Variants in RYR2 observed in about 807,000 individuals in gnomAD.
RYR2 encodes the protein ryanodine receptor 2.
In RYR2, 227 loss-of-function variants were observed where a neutral mutation model predicts 601.1. The ratio of observed to expected loss-of-function variants is 0.38; its 90% CI spans 0.34 to 0.42. RYR2 has a LOEUF of 0.42. Ranked by LOEUF, RYR2 falls within the 10% of genes least tolerant of loss-of-function variation. The pLI is 1.00. For synonymous variants in RYR2, 2,223 were observed against 2,175.1 expected (o/e 1.02, Z -0.61); for missense variants, 4,646 against 6,156.5 (o/e 0.75, Z 8.21).
At chr1:237,283,644 A>G (rs1001659095) in intron 2 of RYR2, among the ~76,000 whole-genome samples, 2 of 152,214 alleles carry the variant, frequency 1.3e-5, no homozygotes, top group Non-Finnish European at 2.9e-5. Flanking sequence ...TCTCCAAAGA[A>G]TACACAGCCA....
chr1:237,541,550 C>T lies in RYR2; in HGVS notation c.2907-6881C>T, dbSNP rs116333538. 2.6e-3 allele frequency among the ~76,000 whole-genome samples: 400 copies of T among 152,186 alleles called. 1 individual carries two copies. Among genetic ancestry groups the T allele is most frequent in the African/African-American group, 8.9e-3 (368 of 41,518 alleles). On this transcript the variant is annotated intron_variant, in intron 25 of 104. Transcript: ENST00000366574. ...TATCATATTATACTTTATTTGGTTT[C>T]GTACTTGATTCCTCATTGGAACATT...
intron 29 of RYR2, among the ~76,000 whole-genome samples, chr1:237,575,396 C>T (rs1388738835): frequency 6.6e-6 from 1 of 152,050 alleles, no homozygotes; most frequent in Non-Finnish European, 1.5e-5. Flanking sequence ...GGGACCAAGG[C>T]TTTTTATATT....
intron 3 of RYR2, among the ~76,000 whole-genome samples, chr1:237,339,798 G>A (rs1471348432): frequency 6.6e-6 from 1 of 152,028 alleles, no homozygotes; most frequent in Admixed American, 6.6e-5. Context: ...ATATCCAAAG[G>A]CAACATCATC....
At chr1:237,065,645 C>T (rs1264125943) in intron 1 of RYR2, among the ~76,000 whole-genome samples, 1 of 152,136 alleles carries the variant, frequency 6.6e-6, no homozygotes, top group Non-Finnish European at 1.5e-5. Flanking sequence ...CCCATGGGAG[C>T]CACTGTTTTG....
chr1:237,635,877 G>C (rs1461397742), intron 44 of RYR2, among the ~76,000 whole-genome samples: 1 of 152,078 alleles, frequency 6.6e-6, no homozygotes, highest in Admixed American at 6.6e-5. Context: ...CAGCCTCAGG[G>C]CCTCTGCACC....
intron 1 of RYR2, among the ~76,000 whole-genome samples, chr1:237,130,188 A>G (rs562636082): frequency 6.6e-6 from 1 of 151,762 alleles, no homozygotes; most frequent in Non-Finnish European, 1.5e-5. Flanking sequence ...ATGTCAAAAC[A>G]TCACGTTGTA....
intron 2 of RYR2, among the ~76,000 whole-genome samples, chr1:237,289,920 T>A (rs191632117): frequency 1.6e-3 from 249 of 152,308 alleles, no homozygotes; most frequent in African/African-American, 5.9e-3. Context: ...CAGTAGGTAA[T>A]ACAGAACTTA....
chr1:237,479,610 G>A (rs1173663197), intron 17 of RYR2, among the ~76,000 whole-genome samples: 1 of 152,034 alleles, frequency 6.6e-6, no homozygotes, highest in East Asian at 1.9e-4. Flanking sequence ...AAATTCTCAG[G>A]TGTTTATGTC....
intron 80 of RYR2, among the ~76,000 whole-genome samples, chr1:237,747,325 G>C (rs1334909905): frequency 6.6e-6 from 1 of 152,194 alleles, no homozygotes; most frequent in Non-Finnish European, 1.5e-5. Flanking sequence ...AGAATTTCTT[G>C]TGTGTTAAAT....
chr1:237,604,014 G>A (rs1480865969), intron 35 of RYR2, among the ~76,000 whole-genome samples: 6 of 152,048 alleles, frequency 3.9e-5, no homozygotes, highest in African/African-American at 4.8e-5. Flanking sequence ...ACATATCAAC[G>A]AGACAGAAAG....
intron 27 of RYR2, among the ~76,000 whole-genome samples, chr1:237,560,494 C>T (rs2148192767): frequency 6.6e-6 from 1 of 152,306 alleles, no homozygotes; most frequent in African/African-American, 2.4e-5. Flanking sequence ...ACTACAAGGG[C>T]TTATGGGTGG....
chr1:237,586,610 T>A (rs921657752), intron 29 of RYR2, among the ~76,000 whole-genome samples: 9 of 152,244 alleles, frequency 5.9e-5, no homozygotes, highest in African/African-American at 2.2e-4. Context: ...TCTTCTTAGA[T>A]GTTAACTCTT....
chr1:237,555,754 T>C (rs1670818538), intron 27 of RYR2, among the ~76,000 whole-genome samples: 1 of 152,048 alleles, frequency 6.6e-6, no homozygotes, highest in Non-Finnish European at 1.5e-5. Flanking sequence ...AACTTAATAA[T>C]AAATGTCTAA....
chr1:237,497,448 G>A (rs1664193078), intron 20 of RYR2, among the ~76,000 whole-genome samples: 1 of 152,098 alleles, frequency 6.6e-6, no homozygotes, highest in Non-Finnish European at 1.5e-5. Context: ...CCATTTAAAA[G>A]CTTAGCTCTT....
chr1:237,588,892 G>GAA (rs5781973), intron 29 of RYR2, among the ~76,000 whole-genome samples: 8 of 140,146 alleles, frequency 5.7e-5, no homozygotes, highest in East Asian at 2.6e-4. Flanking sequence ...ATCCCCTTGT[G>GAA]AAAAAAAAAA....
chr1:237,734,226 G>A (rs1194672767), intron 79 of RYR2, among the ~76,000 whole-genome samples: 1 of 152,162 alleles, frequency 6.6e-6, no homozygotes, highest in Non-Finnish European at 1.5e-5. Context: ...CATGGTTGGG[G>A]AGGTCTCAGG....
rs794728765 is a variant in RYR2 at position 237,702,022 on chromosome 1, T to C, written c.9412T>C (p.Tyr3138His). The C allele has an allele frequency of 2.5e-6, 4 of 1,608,540 alleles. No homozygotes were observed. Among genetic ancestry groups the C allele is most frequent in the Middle Eastern group, 1.7e-4 (1 of 6,042 alleles). Residue 3138 changes from tyrosine to histidine, a missense_variant, in exon 66 of 105, where the codon TAT (tyrosine) becomes CAT (histidine). Physicochemically the swap from Tyr to His is moderately conservative, Grantham distance 83. Around this residue, in one of 17 missense-constraint regions of RYR2, gnomAD observed 1,497 missense variants for 1,842.6 expected, o/e 0.81. Coordinates refer to ENST00000366574, the MANE Select transcript of RYR2 (RefSeq NM_001035.3). ...TTGTTATAGAATTCTGACTAGCTTA[T>C]ATGCTTTGGGAACCAGCAAGAGTAT... ...VSCYRILTSL[Y>H]ALGTSKSIYV... is the part of the protein sequence containing the mutation.
chr1:237,653,920 GC>G (rs1348542649), intron 51 of RYR2, among the ~76,000 whole-genome samples: 1 of 152,214 alleles, frequency 6.6e-6, no homozygotes, highest in African/African-American at 2.4e-5. Flanking sequence ...TCTTCTGCCT[GC>G]CTTTATCCTA....
At chr1:237,415,339 C>A (rs1202002825) in intron 10 of RYR2, among the ~76,000 whole-genome samples, 2 of 152,276 alleles carry the variant, frequency 1.3e-5, no homozygotes, top group East Asian at 3.9e-4. Flanking sequence ...TTATTGATGG[C>A]AAAAACTGCA....
Sources: gnomAD v4.1 joint callset for allele counts (sites outside exome capture counted in the v4.1 genomes callset) on GRCh38, gnomAD v4.1.1 for gene constraint, gnomAD v4.1.1 regional missense constraint, MANE v1.5 for transcripts, NCBI Gene and HGNC (gene_info 2026-07-23, HGNC 2026-07-21) for gene names.